DPP10: variants seen among roughly 807,000 people sequenced by gnomAD.
DPP10 encodes the protein inactive dipeptidyl peptidase 10.
Under a neutral mutation model 120.9 loss-of-function variants are expected in DPP10, and 33 were observed. The ratio of observed to expected loss-of-function variants is 0.27; its 90% confidence interval spans 0.21 to 0.37. DPP10 has a LOEUF of 0.37. Among genes scored for constraint, DPP10 ranks in the 10% least tolerant of loss-of-function variants. The pLI, the probability that DPP10 is intolerant of heterozygous loss-of-function variation, is 1.00. For missense variants in DPP10, 816 were observed against 942.8 expected, an observed-to-expected ratio of 0.87 and a Z score of 1.76; for synonymous variants, 337 against 326.1, an observed-to-expected ratio of 1.03 and a Z score of -0.36.
intron 17 of DPP10, among the ~76,000 whole-genome samples, chr2:115,784,320 G>C (rs1450550498): frequency 6.6e-6 from 1 of 152,086 alleles, no homozygotes; most frequent in Non-Finnish European, 1.5e-5. Flanking sequence ...AAGTAGAATA[G>C]TGCATGGAGA....
chr2:114,801,203 C>T (rs1374353988), intron 1 of DPP10, among the ~76,000 whole-genome samples: 6 of 142,664 alleles, frequency 4.2e-5, no homozygotes, highest in African/African-American at 7.9e-5. Context: ...GCAGAGATTG[C>T]GGTGAGCCGA....
intron 1 of DPP10, among the ~76,000 whole-genome samples, chr2:114,926,560 AG>A (rs1448341543): frequency 6.6e-6 from 1 of 152,188 alleles, no homozygotes; most frequent in Non-Finnish European, 1.5e-5. Context: ...AGTGGAGACA[AG>A]CCTCAGGAAA....
chr2:115,246,613 G>A (rs1231419252), intron 1 of DPP10, among the ~76,000 whole-genome samples: 1 of 152,154 alleles, frequency 6.6e-6, no homozygotes, highest in Non-Finnish European at 1.5e-5. Flanking sequence ...CAGATGAGCA[G>A]TGTGTCAAGT....
intron 1 of DPP10, among the ~76,000 whole-genome samples, chr2:114,730,942 A>T (rs559384260): frequency 6.7e-6 from 1 of 150,320 alleles, no homozygotes; most frequent in African/African-American, 2.5e-5. Flanking sequence ...GCCACGGAAG[A>T]GCCAGCCAGA....
chr2:115,799,800 T>C (rs1259527206), intron 19 of DPP10, among the ~76,000 whole-genome samples: 1 of 152,026 alleles, frequency 6.6e-6, no homozygotes, highest in Non-Finnish European at 1.5e-5. Flanking sequence ...TTCCATGGTG[T>C]ATATGTGCCA....
At chr2:114,804,829 G>T (rs1684581309) in intron 1 of DPP10, among the ~76,000 whole-genome samples, 1 of 152,188 alleles carries the variant, frequency 6.6e-6, no homozygotes, top group African/African-American at 2.4e-5. Flanking sequence ...GCTGAAATGA[G>T]TTAAGACTTT....
chr2:115,353,309 G>T (rs1401190389), intron 3 of DPP10, among the ~76,000 whole-genome samples: 1 of 152,088 alleles, frequency 6.6e-6, no homozygotes, highest in Non-Finnish European at 1.5e-5. Flanking sequence ...TGGTGTGTAA[G>T]TTTAACGGTA....
At chr2:115,072,603 C>A (rs1202318946) in intron 1 of DPP10, among the ~76,000 whole-genome samples, 9 of 151,944 alleles carry the variant, frequency 5.9e-5, no homozygotes, top group African/African-American at 2.2e-4. Context: ...TCACAGACAC[C>A]CACATGTGTG....
At chr2:114,714,840 T>C (rs1701253251) in intron 1 of DPP10, among the ~76,000 whole-genome samples, 1 of 152,034 alleles carries the variant, frequency 6.6e-6, no homozygotes, top group African/African-American at 2.4e-5. Flanking sequence ...TTCCACATCA[T>C]GTGATATTAG....
intron 1 of DPP10, among the ~76,000 whole-genome samples, chr2:114,690,993 T>C (rs191894393): frequency 1.3e-5 from 2 of 152,172 alleles, no homozygotes; most frequent in Admixed American, 1.3e-4. Context: ...ATTCTAAATA[T>C]AGGATCATGT....
intron 17 of DPP10, among the ~76,000 whole-genome samples, chr2:115,783,522 T>C (rs1442367773): frequency 6.6e-6 from 1 of 152,170 alleles, no homozygotes; most frequent in African/African-American, 2.4e-5. Flanking sequence ...TTTATATTGT[T>C]CAAATAATGT....
chr2:114,466,549 C>T (rs1368708271), intron 1 of DPP10, among the ~76,000 whole-genome samples: 3 of 152,068 alleles, frequency 2.0e-5, no homozygotes, highest in African/African-American at 7.2e-5. Flanking sequence ...TGTTTAATTT[C>T]TTGGAGCATG....
intron 5 of DPP10, among the ~76,000 whole-genome samples, chr2:115,590,104 T>A (rs1422663100): frequency 6.9e-6 from 1 of 145,714 alleles, no homozygotes; most frequent in Non-Finnish European, 1.5e-5. Flanking sequence ...AAAGTGAACC[T>A]GCTTTCCTTT....
chr2:115,791,081 A>T lies in DPP10; in HGVS notation c.1532A>T (p.Lys511Ile). ...VSLHSTDNPA[K>I]YFILESNSML... ...TTACACTACCCTTTTTGGTTTACAG[A>T]ATATTTTATATTGGAAAGCAATTCT... Residue 511 changes from lysine (K) to isoleucine (I), a missense_variant and splice_region_variant, in exon 18 of 26, where the codon AAA (lysine) becomes ATA (isoleucine). By Grantham distance (102) the Lys-to-Ile change is moderately radical. Transcript: ENST00000410059. 6.2e-7 allele frequency: 1 copy of T among 1,608,830 alleles called. No homozygotes were observed. Among genetic ancestry groups the T allele is most frequent in the Non-Finnish European group, 8.5e-7 (1 of 1,177,850 alleles).
At chr2:114,965,405 G>A (rs180730977) in intron 1 of DPP10, among the ~76,000 whole-genome samples, 498 of 152,018 alleles carry the variant, frequency 3.3e-3, no homozygotes, top group Non-Finnish European at 5.2e-3. Flanking sequence ...CCAAAGAGCT[G>A]GATTACAAGC....
At chr2:114,915,642 C>T (rs887054472) in intron 1 of DPP10, among the ~76,000 whole-genome samples, 3 of 152,158 alleles carry the variant, frequency 2.0e-5, no homozygotes, top group Non-Finnish European at 4.4e-5. Context: ...TACAAAGACA[C>T]TATTGGATCA....
At chr2:115,503,558 G>A (rs959373587) in intron 4 of DPP10, among the ~76,000 whole-genome samples, 19 of 152,238 alleles carry the variant, frequency 1.2e-4, no homozygotes, top group South Asian at 4.1e-4. Context: ...CAGAAAATTC[G>A]ATTGGCCACG....
At chr2:115,095,654 A>T (rs1709677021) in intron 1 of DPP10, among the ~76,000 whole-genome samples, 2 of 148,138 alleles carry the variant, frequency 1.4e-5, no homozygotes, top group Non-Finnish European at 3.0e-5. Context: ...ATCTTGGCTC[A>T]CTGCAACCTC....
intron 1 of DPP10, among the ~76,000 whole-genome samples, chr2:115,212,188 A>G (rs2056558662): frequency 6.6e-6 from 1 of 152,122 alleles, no homozygotes; most frequent in Non-Finnish European, 1.5e-5. Flanking sequence ...AAAGCACTTT[A>G]GTGCTTTAGA....
Sources: gnomAD v4.1 joint callset for allele counts (sites outside exome capture counted in the v4.1 genomes callset) on GRCh38, gnomAD v4.1.1 for gene constraint, MANE v1.5 for transcripts, NCBI Gene and HGNC (gene_info 2026-07-23, HGNC 2026-07-21) for gene names.